Variants in TMEM79 observed in about 807,000 individuals in gnomAD.
TMEM79 encodes mattrin.
TMEM79 carries 30 observed loss-of-function variants against 31.2 expected under a neutral mutation model. The observed-to-expected ratio is 0.96, with a 90% CI of 0.72 to 1.30. TMEM79 has a LOEUF of 1.30. Ranked by LOEUF, TMEM79 falls within the 50% of genes most tolerant of loss-of-function variation. TMEM79 has a pLI of 0.00. For missense variants in TMEM79, 509 were observed against 528.2 expected (o/e 0.96, Z 0.36); for synonymous variants, 213 against 229.5 (o/e 0.93, Z 0.65).
rs763385646 is a variant in TMEM79 at position 156,285,629 on chromosome 1, C to T, written c.403C>T (p.Gln135Ter). The change falls in exon 2 of 4, where the codon CAG (glutamine) becomes TAG (stop). Residue 135 changes from glutamine to a stop codon, truncating the protein, a stop_gained. Transcript: ENST00000405535. LOFTEE classifies it high-confidence loss of function. ...AARAFVPIDL[Q>*]CIERQPQEDL... is the part of the protein sequence containing the mutation. ...CCGTGCCTTCGTGCCTATTGACCTACAGTGCATTGAGCGGCAGCCCCAAGA... is the reference window on the plus strand; with the variant it reads ...CCGTGCCTTCGTGCCTATTGACCTATAGTGCATTGAGCGGCAGCCCCAAGA... 11 of 1,614,122 alleles carry T rather than the reference C, an allele frequency of 6.8e-6. No individual in the cohort carries two copies. In the South Asian group the frequency reaches 8.8e-5, roughly 13 times the overall value.
rs770744177 is a variant in TMEM79, at chr1:156,285,816, G to A, written c.590G>A (p.Trp197Ter). The A allele has an allele frequency of 1.2e-6, 2 of 1,613,698 alleles. No homozygotes were observed. Among genetic ancestry groups the A allele is most frequent in the Admixed American group, 1.7e-5 (1 of 60,026 alleles). ...GGCGSCGDRE[W>*]LRAVASVGAA... ...TGCGGGAGCTGTGGAGACCGTGAGT[G>A]GCTAAGGGCTGTGGCCTCCGTGGGA... The change falls in exon 2 of 4, where the codon TGG becomes TAG. Residue 197 changes from tryptophan to a stop codon, truncating the protein, a stop_gained. Transcript: ENST00000405535. LOFTEE classifies it high-confidence loss of function.
chr1:156,291,343 G>A (rs1283576859), intron 3 of TMEM79, 42 bp from the exon 4 acceptor site: 1 of 1,588,508 alleles, frequency 6.3e-7, no homozygotes, highest in Non-Finnish European at 8.6e-7. Flanking sequence ...CAGCTGACGC[G>A]CTTCCCTCGA....
chr1:156,286,169 A>G (rs1663153616), intron 2 of TMEM79, 91 bp from the exon 3 acceptor site: 1 of 1,413,434 alleles, frequency 7.1e-7, no homozygotes. Context: ...GAGCCCATGC[A>G]CTGCCCACAG....
In TMEM79 at chr1:156,291,415, C is replaced by G; in HGVS notation, c.1002C>G (p.Gly334=). 29 of 1,614,066 alleles carry G rather than the reference C, an allele frequency of 1.8e-5. No individual in the cohort carries two copies. Among genetic ancestry groups the G allele is most frequent in the Non-Finnish European group, 2.5e-5 (29 of 1,180,034 alleles). ...RLIYWLTFAV[G]RSFRGFGYGL... The stretch of plus-strand genomic sequence containing the variant: ...TCTACTGGCTGACCTTTGCCGTGGG[C>G]CGCTCCTTCCGAGGCTTCGGCTACG... The change falls in exon 4 of 4, where the codon GGC becomes GGG. Residue 334 remains glycine (G), a synonymous_variant. Transcript: ENST00000405535.
At chr1:156,290,344 A>G (rs1663280306) in intron 3 of TMEM79, 1 of 151,968 alleles carries the variant, frequency 6.6e-6, no homozygotes, top group Non-Finnish European at 1.5e-5. Context: ...TTCTTTCTCC[A>G]AGAAAAGCAC....
intron 3 of TMEM79, among the ~76,000 whole-genome samples, chr1:156,287,411 G>A (rs555052377): frequency 7.2e-5 from 11 of 151,970 alleles, no homozygotes; most frequent in East Asian, 1.9e-4. Context: ...GTGAGACTCC[G>A]TCTCAAACAA....
chr1:156,287,586 C>T (rs1393967231), intron 3 of TMEM79, among the ~76,000 whole-genome samples: 2 of 149,312 alleles, frequency 1.3e-5, no homozygotes, highest in African/African-American at 2.5e-5. Context: ...GAGCTCTCCT[C>T]GCAGCCTTCT....
At chr1:156,284,921 C>T (rs1663106427) in intron 1 of TMEM79, among the ~76,000 whole-genome samples, 1 of 152,138 alleles carries the variant, frequency 6.6e-6, no homozygotes, top group East Asian at 1.9e-4. Flanking sequence ...ACTGAGTTCA[C>T]AGCTGCCAGG....
At chr1:156,282,980 C>A, upstream of TMEM79, 1 of 517,726 alleles carries the variant, frequency 1.9e-6, no homozygotes, top group South Asian at 3.0e-5. Context: ...TTCTCCAAAC[C>A]CTTGCGAAAA....
chr1:156,286,733 C>A (rs1663175101), intron 3 of TMEM79, among the ~76,000 whole-genome samples: 1 of 152,230 alleles, frequency 6.6e-6, no homozygotes, highest in Non-Finnish European at 1.5e-5. Context: ...CCCATTGCAG[C>A]CACTCCTGTG....
At chr1:156,287,078 G>A (rs1178049808) in intron 3 of TMEM79, among the ~76,000 whole-genome samples, 2 of 151,972 alleles carry the variant, frequency 1.3e-5, no homozygotes, top group African/African-American at 2.4e-5. Context: ...ACACAAGATC[G>A]TGTCACTGTA....
At chr1:156,291,203 A>G (rs1663315336) in intron 3 of TMEM79, 182 bp from the exon 4 acceptor site, 1 of 593,720 alleles carries the variant, frequency 1.7e-6, no homozygotes. Flanking sequence ...TCAATCACTT[A>G]TAGTAATTAG....
At chr1:156,287,882 T>C (rs1304635158) in intron 3 of TMEM79, among the ~76,000 whole-genome samples, 1 of 151,952 alleles carries the variant, frequency 6.6e-6, no homozygotes, top group Non-Finnish European at 1.5e-5. Context: ...CCTCCCAAAG[T>C]ACTGGGATTA....
intron 3 of TMEM79, among the ~76,000 whole-genome samples, chr1:156,286,833 T>C (rs151151956): frequency 5.6e-4 from 86 of 152,296 alleles, no homozygotes; most frequent in African/African-American, 1.4e-3. Flanking sequence ...TTTTTCAAAA[T>C]AGAGACAAGG....
intron 3 of TMEM79, among the ~76,000 whole-genome samples, chr1:156,287,605 AC>A (rs1158736673): frequency 1.0e-5 from 1 of 97,318 alleles, no homozygotes; most frequent in Non-Finnish European, 2.1e-5. Context: ...CTTACTCTCC[AC>A]TTTTTTTTTT....
At chr1:156,289,343 G>A (rs866726505) in intron 3 of TMEM79, among the ~76,000 whole-genome samples, 25 of 150,118 alleles carry the variant, frequency 1.7e-4, no homozygotes, top group African/African-American at 5.4e-4. Flanking sequence ...GTGTGGTGAT[G>A]GGCGCCTGTA....
intron 2 of TMEM79, 62 bp downstream of exon 2, chr1:156,286,045 G>A: frequency 9.1e-6 from 14 of 1,545,036 alleles, no homozygotes; most frequent in Non-Finnish European, 1.1e-5. Context: ...GGGCCTGGCT[G>A]GTGTGGGGAG....
Position 156,291,550 on chromosome 1 carries a change from G to A in TMEM79, c.1137G>A (p.Pro379=). Residue 379 remains proline, a synonymous_variant, in exon 4 of 4, where the codon CCG becomes CCA. Coordinates refer to ENST00000405535, the MANE Select transcript of TMEM79 (RefSeq NM_032323.3). The part of the protein sequence containing the change: ...LTATESRLDY[P]DHARSASDYR... ...CCACCGAGAGCCGCCTGGACTACCC[G>A]GACCACGCCCGCTCGGCCTCCGACT... The A allele has an allele frequency of 6.2e-7, 1 of 1,610,448 alleles. No individual in the cohort carries two copies.
chr1:156,288,837 C>T (rs560960482), intron 3 of TMEM79, among the ~76,000 whole-genome samples: 2 of 152,304 alleles, frequency 1.3e-5, no homozygotes, highest in Admixed American at 6.5e-5. Flanking sequence ...GCTCATGTAA[C>T]TTAGCCTGCC....
Sources: allele counts gnomAD v4.1 joint callset (sites outside exome capture counted in the v4.1 genomes callset), GRCh38; gene constraint gnomAD v4.1.1; transcripts MANE v1.5; gene names NCBI Gene and HGNC (gene_info 2026-07-23, HGNC 2026-07-21).